EFHB: variants seen among roughly 807,000 people sequenced by gnomAD.
EFHB encodes the protein EF-hand domain-containing family member B.
A neutral mutation model predicts 87.2 loss-of-function variants in EFHB; 91 were observed. The observed-to-expected ratio is 1.04, with a 90% confidence interval of 0.88 to 1.24. EFHB has a LOEUF of 1.24. EFHB is among the 50% of genes most tolerant of loss of function. The probability of loss-of-function intolerance (pLI) is 0.00; values close to 1 mark genes in which losing one functional copy is unlikely to be tolerated. For missense variants in EFHB, 1,084 were observed against 998.8 expected (o/e 1.09, Z -1.15); for synonymous variants, 325 against 333.6 (o/e 0.97, Z 0.28).
At chr3:19,884,935 A>T (rs1223188697) in intron 10 of EFHB, among the ~76,000 whole-genome samples, 3 of 148,214 alleles carry the variant, frequency 2.0e-5, no homozygotes, top group African/African-American at 7.6e-5. Flanking sequence ...AAAAAAAAAT[A>T]GAGCGGCCAG....
At chr3:19,930,713 C>T (rs1695798440) in intron 1 of EFHB, among the ~76,000 whole-genome samples, 1 of 152,206 alleles carries the variant, frequency 6.6e-6, no homozygotes, top group African/African-American at 2.4e-5. Flanking sequence ...CTCAAATGAT[C>T]TTCGCACCTC....
upstream of EFHB, among the ~76,000 whole-genome samples, chr3:19,934,440 C>CCTATCT (rs1695959592): frequency 7.0e-6 from 1 of 142,230 alleles, no homozygotes; most frequent in Non-Finnish European, 1.5e-5. Context: ...TTGCCCTCTC[C>CCTATCT]CTCTCTCTCC....
chr3:19,925,313 A>G (rs1230208373), intron 1 of EFHB, among the ~76,000 whole-genome samples: 1 of 151,922 alleles, frequency 6.6e-6, no homozygotes, highest in Non-Finnish European at 1.5e-5. Context: ...TTGCATGTAT[A>G]TTGATCCTAT....
chr3:19,936,250 T>C (rs1480741905), upstream of EFHB: 1 of 748,028 alleles, frequency 1.3e-6, no homozygotes, highest in African/African-American at 1.7e-5. Flanking sequence ...TCTGAGAGGC[T>C]GAAGTGGGAG....
chr3:19,927,227 A>G (rs902475592), intron 1 of EFHB, among the ~76,000 whole-genome samples: 7 of 152,332 alleles, frequency 4.6e-5, no homozygotes, highest in African/African-American at 1.4e-4. Flanking sequence ...GATGGAAATC[A>G]AGGGACAGTC....
intron 10 of EFHB, 109 bp from the exon 11 acceptor site, chr3:19,884,724 A>G: frequency 9.4e-7 from 1 of 1,060,154 alleles, no homozygotes; most frequent in South Asian, 1.6e-5. Context: ...TGCTAATGGA[A>G]ACAGCTGGCA....
intron 3 of EFHB, 60 bp downstream of exon 3, chr3:19,919,773 T>A: frequency 6.6e-7 from 1 of 1,522,232 alleles, no homozygotes; most frequent in Non-Finnish European, 9.1e-7. Context: ...TAATACCTGA[T>A]TTGTGCATTT....
intron 10 of EFHB, among the ~76,000 whole-genome samples, chr3:19,886,455 T>C (rs906260490): frequency 6.6e-6 from 1 of 151,536 alleles, no homozygotes; most frequent in Non-Finnish European, 1.5e-5. Flanking sequence ...ATACAAAAAT[T>C]AAGGTAGGCT....
chr3:19,884,755 C>T (rs1047774256), intron 10 of EFHB, 140 bp from the exon 11 acceptor site: 32 of 727,756 alleles, frequency 4.4e-5, no homozygotes, highest in Non-Finnish European at 6.5e-5. Flanking sequence ...ACTGACCCAA[C>T]ACCCAACTGT....
At chr3:19,939,804 A>C (rs1696115202) in intron 1 of EFHB, among the ~76,000 whole-genome samples, 1 of 152,224 alleles carries the variant, frequency 6.6e-6, no homozygotes, top group African/African-American at 2.4e-5. Flanking sequence ...CTTGAAGAGC[A>C]AGCCTTCTAA....
chr3:19,937,757 A>T (rs142203199), upstream of EFHB, among the ~76,000 whole-genome samples: 20 of 152,282 alleles, frequency 1.3e-4, no homozygotes, highest in East Asian at 3.9e-3. Flanking sequence ...TCTCTCAGAC[A>T]TACACACATA....
At chr3:19,937,174 A>AC (rs1696044403), upstream of EFHB, among the ~76,000 whole-genome samples, 1 of 152,048 alleles carries the variant, frequency 6.6e-6, no homozygotes, top group Non-Finnish European at 1.5e-5. Context: ...CTCAAAAAAA[A>AC]ACACAAAAAA....
chr3:19,934,349 T>C, upstream of EFHB: 1 of 923,746 alleles, frequency 1.1e-6, no homozygotes, highest in Non-Finnish European at 1.4e-6. Flanking sequence ...CTCTCTCCTC[T>C]GTCTCTCTCT....
intron 5 of EFHB, among the ~76,000 whole-genome samples, chr3:19,913,092 G>A (rs192761383): frequency 6.6e-6 from 1 of 152,156 alleles, no homozygotes; most frequent in Non-Finnish European, 1.5e-5. Context: ...GATATAGAAG[G>A]AACACACCTC....
upstream of EFHB, among the ~76,000 whole-genome samples, chr3:19,938,417 C>T (rs765139976): frequency 2.6e-5 from 4 of 152,164 alleles, no homozygotes; most frequent in Non-Finnish European, 5.9e-5. Context: ...AATGTGTACA[C>T]ATGCTCATAA....
intron 5 of EFHB, among the ~76,000 whole-genome samples, chr3:19,907,163 T>A (rs1296382238): frequency 1.3e-5 from 2 of 152,036 alleles, no homozygotes; most frequent in East Asian, 3.9e-4. Context: ...AAGCTCAGAC[T>A]ACAAAAGCAA....
At chr3:19,940,499 G>T in intron 1 of EFHB, 1 of 505,588 alleles carries the variant, frequency 2.0e-6, no homozygotes, top group South Asian at 1.4e-5. Flanking sequence ...TCTTCATCGT[G>T]AATCTTGCCT....
upstream of EFHB, among the ~76,000 whole-genome samples, chr3:19,938,389 T>C (rs1696071437): frequency 1.3e-5 from 2 of 152,228 alleles, no homozygotes; most frequent in African/African-American, 4.8e-5. Context: ...ATGGCATGCA[T>C]GATGAAATGT....
At chr3:19,896,940 G>A in intron 8 of EFHB, 99 bp from the exon 9 acceptor site, 2 of 1,054,058 alleles carry the variant, frequency 1.9e-6, no homozygotes, top group Non-Finnish European at 2.7e-6. Flanking sequence ...CTCTGTGAAT[G>A]AAAGAAACAT....
Sources: allele counts gnomAD v4.1 joint callset (sites outside exome capture counted in the v4.1 genomes callset), GRCh38; gene constraint gnomAD v4.1.1; transcripts MANE v1.5; gene names NCBI Gene and HGNC (gene_info 2026-07-23, HGNC 2026-07-21).